The following STPG2 variants were observed in gnomAD, a reference collection of about 807,000 sequenced individuals.
The protein encoded by STPG2 is sperm tail PG-rich repeat containing 2.
Under a neutral mutation model 54.2 loss-of-function variants are expected in STPG2, and 56 were observed. The ratio of observed to expected loss-of-function variants is 1.03; its 90% CI spans 0.83 to 1.29. STPG2 has a LOEUF of 1.29. STPG2 is among the 50% of genes most tolerant of loss of function. STPG2 has a pLI of 0.00. For missense variants in STPG2, 596 were observed against 544.9 expected (o/e 1.09, Z -0.93); for synonymous variants, 200 against 181.8 (o/e 1.10, Z -0.81).
chr4:97,540,313 C>A (rs1432865334), intron 4 of STPG2, among the ~76,000 whole-genome samples: 5 of 151,842 alleles, frequency 3.3e-5, no homozygotes, highest in African/African-American at 4.8e-5. Context: ...ATCCCACAGA[C>A]ATACAAACTA....
intron 7 of STPG2, among the ~76,000 whole-genome samples, chr4:97,962,429 C>T (rs907709477): frequency 1.3e-5 from 2 of 152,096 alleles, no homozygotes; most frequent in African/African-American, 4.8e-5. Context: ...CGTATACACA[C>T]AAACATGTTG....
chr4:97,679,826 G>A (rs1722973396), intron 10 of STPG2, among the ~76,000 whole-genome samples: 1 of 152,206 alleles, frequency 6.6e-6, no homozygotes. Flanking sequence ...AAGGGATCCA[G>A]TTTCAGCTTT....
intron 4 of STPG2, among the ~76,000 whole-genome samples, chr4:97,531,217 G>T (rs1026870913): frequency 1.3e-5 from 2 of 152,208 alleles, no homozygotes; most frequent in African/African-American, 4.8e-5. Flanking sequence ...AAATGTTGGT[G>T]AGGATGTGGA....
intron 7 of STPG2, 129 bp downstream of exon 7, chr4:97,972,151 T>G: frequency 1.8e-6 from 1 of 551,040 alleles, no homozygotes; most frequent in Non-Finnish European, 2.9e-6. Flanking sequence ...CTACTTTCCT[T>G]AACATATGGA....
At chr4:97,754,857 T>A (rs573318714) in intron 9 of STPG2, among the ~76,000 whole-genome samples, 23 of 152,178 alleles carry the variant, frequency 1.5e-4, no homozygotes, top group African/African-American at 5.1e-4. Flanking sequence ...AATAAGGGAT[T>A]ATGCAAGGCC....
chr4:97,851,767 CA>C (rs1260438284), intron 8 of STPG2, among the ~76,000 whole-genome samples: 2 of 152,080 alleles, frequency 1.3e-5, no homozygotes, highest in Non-Finnish European at 2.9e-5. Flanking sequence ...TCTTTGCTAT[CA>C]AAAAGTAGAC....
In STPG2 at chr4:97,560,814, A is replaced by C. The variant is rs912538433; in HGVS notation, c.1321-1697T>G. Among the ~76,000 whole-genome samples the C allele has an allele frequency of 2.6e-5, 4 of 152,166 alleles. No individual in the cohort carries two copies. The East Asian group carries it at 7.7e-4, about 29-fold the overall frequency. ...AGAAGGTGACAACATGAATGAGTAA[A>C]ATTGAGGGGAGGGGGGAACGACTCA... On this transcript the variant is annotated intron_variant, in intron 10 of 10. Transcript: ENST00000295268.
chr4:97,991,072 C>T (rs1286094840), intron 5 of STPG2, among the ~76,000 whole-genome samples: 2 of 151,946 alleles, frequency 1.3e-5, no homozygotes, highest in African/African-American at 4.8e-5. Context: ...TCCATCCCAC[C>T]CTTTCCCTCG....
At chr4:97,903,536 A>C (rs1324054839) in intron 8 of STPG2, among the ~76,000 whole-genome samples, 1 of 152,224 alleles carries the variant, frequency 6.6e-6, no homozygotes, top group Non-Finnish European at 1.5e-5. Context: ...AAATAAAGCC[A>C]CAAGACGGCT....
intron 5 of STPG2, among the ~76,000 whole-genome samples, chr4:98,072,447 A>ATG (rs1455287363): frequency 6.6e-6 from 1 of 152,086 alleles, no homozygotes; most frequent in East Asian, 1.9e-4. Context: ...CAGCTAATGG[A>ATG]TGTTGGGCTT....
intron 4 of STPG2, among the ~76,000 whole-genome samples, chr4:97,507,404 A>G (rs1039915042): frequency 1.6e-4 from 24 of 152,094 alleles, no homozygotes; most frequent in African/African-American, 5.3e-4. Flanking sequence ...ACAAAACGAA[A>G]ATAATGAATC....
Position 97,981,156 on chromosome 4 carries a change from A to G in STPG2, c.772+3T>C. 6.2e-7 allele frequency: 1 copy of G among 1,613,046 alleles called. No individual in the cohort carries two copies. Among genetic ancestry groups the G allele is most frequent in the Non-Finnish European group, 8.5e-7 (1 of 1,179,710 alleles). Reference sequence around the variant, plus strand: ...AGTAGACATATATAGATAAATTGCTAACCTGGCATTTCCTCTGTCCTGATG... The same window carrying G: ...AGTAGACATATATAGATAAATTGCTGACCTGGCATTTCCTCTGTCCTGATG... On this transcript the variant is annotated splice_donor_region_variant and intron_variant, in intron 6 of 10. Transcript: ENST00000295268.
chr4:98,117,206 A>C (rs1362854992), intron 3 of STPG2, among the ~76,000 whole-genome samples: 1 of 151,920 alleles, frequency 6.6e-6, no homozygotes, highest in East Asian at 1.9e-4. Context: ...AGCTTTGCTG[A>C]TTCTGGAATT....
At chr4:97,491,781 T>C (rs1413289085) in intron 4 of STPG2, among the ~76,000 whole-genome samples, 1 of 151,434 alleles carries the variant, frequency 6.6e-6, no homozygotes, top group African/African-American at 2.4e-5. Context: ...TGAAAACAAA[T>C]GTGAAATTTA....
chr4:98,004,665 T>C (rs192534663), intron 5 of STPG2, among the ~76,000 whole-genome samples: 4 of 152,334 alleles, frequency 2.6e-5, no homozygotes, highest in African/African-American at 9.6e-5. Context: ...CATTTGACTT[T>C]TTGATAATAG....
intron 10 of STPG2, among the ~76,000 whole-genome samples, chr4:97,594,133 G>A (rs556783332): frequency 2.0e-5 from 3 of 152,154 alleles, no homozygotes; most frequent in African/African-American, 4.8e-5. Flanking sequence ...CCCCAGCAAT[G>A]GTTTTTAACA....
At chr4:97,593,047 G>A (rs1733185968) in intron 10 of STPG2, among the ~76,000 whole-genome samples, 3 of 152,186 alleles carry the variant, frequency 2.0e-5, no homozygotes, top group South Asian at 2.1e-4. Context: ...AACAAGGCCA[G>A]TTTGATCTGA....
At chr4:97,720,506 T>A (rs1010039829) in intron 9 of STPG2, among the ~76,000 whole-genome samples, 1 of 151,974 alleles carries the variant, frequency 6.6e-6, no homozygotes, top group Non-Finnish European at 1.5e-5. Context: ...TCCAAAACCA[T>A]CAAATTTGCC....
chr4:98,030,836 C>G (rs1736572651), intron 5 of STPG2, among the ~76,000 whole-genome samples: 1 of 152,116 alleles, frequency 6.6e-6, no homozygotes, highest in Non-Finnish European at 1.5e-5. Context: ...TAGTCATATG[C>G]AGAAGACTGA....
Sources: allele counts gnomAD v4.1 joint callset (sites outside exome capture counted in the v4.1 genomes callset), GRCh38; gene constraint gnomAD v4.1.1; transcripts MANE v1.5; gene names NCBI Gene and HGNC (gene_info 2026-07-23, HGNC 2026-07-21).